CDRT4: variants seen among roughly 807,000 people sequenced by gnomAD.
CDRT4 encodes CMT1A duplicated region transcript 4.
For synonymous variants in CDRT4, 64 were observed against 69.6 expected, an observed-to-expected ratio of 0.92 and a Z score of 0.40; for missense variants, 167 against 193.1, an observed-to-expected ratio of 0.87 and a Z score of 0.80.
intron 1 of CDRT4, among the ~76,000 whole-genome samples, chr17:15,455,613 ACT>A (rs1434079049): frequency 6.6e-6 from 1 of 151,828 alleles, no homozygotes; most frequent in Non-Finnish European, 1.5e-5. Flanking sequence ...ACTCTCTTAC[ACT>A]CTCTTTCTCG....
chr17:15,465,381 TAAC>T (rs1597473281), intron 1 of CDRT4, among the ~76,000 whole-genome samples: 2 of 99,250 alleles, frequency 2.0e-5, no homozygotes, highest in East Asian at 5.7e-4. Context: ...CAGACACACA[TAAC>T]ACACACACCA....
At position 15,444,223 on chromosome 17, in the gene CDRT4, A is replaced by G. The variant is rs568625284; in HGVS notation, c.-47-3938T>C. 35 of 770,152 alleles carry G rather than the reference A, an allele frequency of 4.5e-5. No homozygotes were observed. In the African/African-American group the frequency reaches 5.8e-4, roughly 13 times the overall value. The allele number at this position is 770,152 out of a possible 1,614,324, so 47.7% of individuals were successfully genotyped here. On this transcript the variant is annotated intron_variant, in intron 2 of 3. Transcript: ENST00000619038. ...AGAGATGTCCAGCTACAGAAACAAG[A>G]TGCCGGATGATTCCTAAGACCTACT...
intron 2 of CDRT4, among the ~76,000 whole-genome samples, chr17:15,448,255 C>T (rs2150790243): frequency 6.6e-6 from 1 of 152,322 alleles, no homozygotes; most frequent in African/African-American, 2.4e-5. Flanking sequence ...AAGCCCCAGT[C>T]TCCACTTCTA....
chr17:15,465,110 C>CACACAGACACACCAACACACAGATACAA (rs1191591510), intron 1 of CDRT4, among the ~76,000 whole-genome samples: 3 of 136,822 alleles, frequency 2.2e-5, no homozygotes, highest in Non-Finnish European at 4.5e-5. Context: ...CACACACCAA[C>CACACAGACACACCAACACACAGATACAA]ACACAGACAC....
chr17:15,443,181 C>T lies in CDRT4; in HGVS notation c.-47-2896G>A, dbSNP rs72821026. 8.3e-3 allele frequency among the ~76,000 whole-genome samples: 1,257 copies of T among 152,224 alleles called. 9 individuals are homozygous for T. Among genetic ancestry groups the T allele is most frequent in the Non-Finnish European group, 9.8e-3 (669 of 68,010 alleles). ...AACGTGAAACAATCAACCTTGATCA[C>T]CTTCCTTAACTTCTTAGGACCTCAG... On this transcript the variant is annotated intron_variant, in intron 2 of 3. Coordinates refer to ENST00000619038, the MANE Select transcript of CDRT4 (RefSeq NM_001204477.2).
chr17:15,460,875 T>G (rs1255521599), intron 1 of CDRT4, among the ~76,000 whole-genome samples: 1 of 143,940 alleles, frequency 6.9e-6, no homozygotes, highest in Admixed American at 7.0e-5. Context: ...TCTCCCTCCC[T>G]CCCCCGCCTT....
intron 1 of CDRT4, among the ~76,000 whole-genome samples, chr17:15,456,148 G>T (rs920233087): frequency 3.3e-5 from 5 of 152,138 alleles, no homozygotes; most frequent in African/African-American, 7.2e-5. Context: ...TTCTACTAAA[G>T]TAAGGGAACC....
chr17:15,451,495 C>T (rs1297859312), intron 2 of CDRT4, among the ~76,000 whole-genome samples: 2 of 151,888 alleles, frequency 1.3e-5, no homozygotes, highest in African/African-American at 2.4e-5. Flanking sequence ...GAAGCCAATG[C>T]CAGTTCCTTA....
In CDRT4 at chr17:15,450,630, T is replaced by C. The variant is rs1349714355; in HGVS notation, c.-48+2374A>G. ...AAGTGATGGCAATCAGTTTTGTGGC[T>C]CTACATCTCATCAATTTGCCACATC... is the stretch of plus-strand genomic sequence containing the variant. On this transcript the variant is annotated intron_variant, in intron 2 of 3. Coordinates refer to ENST00000619038, the MANE Select transcript of CDRT4 (RefSeq NM_001204477.2). This position sits in a 1 kb window ranked among gnomAD's most constrained non-coding sequence, Gnocchi z 4.2. Among the ~76,000 whole-genome samples the C allele has an allele frequency of 6.6e-6, 1 of 152,014 alleles. No individual in the cohort carries two copies. The highest frequency in any genetic ancestry group is 1.5e-5 in the Non-Finnish European group (1 of 67,994).
chr17:15,444,349 A>G (rs1978918909), intron 2 of CDRT4, among the ~76,000 whole-genome samples: 1 of 152,168 alleles, frequency 6.6e-6, no homozygotes, highest in Non-Finnish European at 1.5e-5. Flanking sequence ...ACTTTGCAGC[A>G]CATTGGAATT....
chr17:15,466,589 A>G (rs1260099011), intron 1 of CDRT4, among the ~76,000 whole-genome samples: 3 of 152,146 alleles, frequency 2.0e-5, no homozygotes, highest in Non-Finnish European at 4.4e-5. Context: ...CAGTGGCACG[A>G]TCATGGCTCA....
At chr17:15,458,858 G>C (rs2150797538) in intron 1 of CDRT4, among the ~76,000 whole-genome samples, 1 of 152,250 alleles carries the variant, frequency 6.6e-6, no homozygotes, top group African/African-American at 2.4e-5. Flanking sequence ...GGAGTTTGTT[G>C]GAAATGCAAT....
chr17:15,442,405 G>A (rs1420344238), intron 2 of CDRT4, among the ~76,000 whole-genome samples: 23 of 146,920 alleles, frequency 1.6e-4, no homozygotes, highest in Admixed American at 2.7e-4. Context: ...GTGAGACTCC[G>A]TCTCCAAGAA....
Position 15,438,024 on chromosome 17 carries a change from G to A in CDRT4, c.208C>T (p.Pro70Ser), listed in dbSNP as rs1250534119. The change falls in exon 4 of 4, where the codon CCT becomes TCT. Residue 70 changes from proline (P) to serine (S), a missense_variant. Coordinates refer to ENST00000619038, the MANE Select transcript of CDRT4 (RefSeq NM_001204477.2). ...CTTTTCGGCTGAATGACGCTGGAAGGTTTATTCTGCCTTGATGCCCAGGGT... is the reference window on the plus strand; with the variant it reads ...CTTTTCGGCTGAATGACGCTGGAAGATTTATTCTGCCTTGATGCCCAGGGT... ...ERPWASRQNK[P>S]SSVIQPKRRK... The A allele has an allele frequency of 5.6e-6, 9 of 1,614,178 alleles. No homozygotes were observed. The highest frequency in any genetic ancestry group is 1.7e-5 in the Admixed American group (1 of 60,018).
At chr17:15,456,873 G>C (rs921584753) in intron 1 of CDRT4, among the ~76,000 whole-genome samples, 14 of 152,076 alleles carry the variant, frequency 9.2e-5, no homozygotes, top group African/African-American at 3.1e-4. Context: ...CTTTAATTTG[G>C]AATCGATCCT....
rs1181983464 is a variant in CDRT4, at chr17:15,450,728, A to G, written c.-48+2276T>C. 2.0e-5 allele frequency among the ~76,000 whole-genome samples: 3 copies of G among 152,204 alleles called. No homozygotes were observed. Reference sequence around the variant, plus strand: ...GCCAATATACTACATCTTTATTTGTATATCTAATAACCTCTCAAACTTTTC... The same window carrying G: ...GCCAATATACTACATCTTTATTTGTGTATCTAATAACCTCTCAAACTTTTC... On this transcript the variant is annotated intron_variant, in intron 2 of 3. Coordinates refer to ENST00000619038, the MANE Select transcript of CDRT4 (RefSeq NM_001204477.2). The surrounding 1 kb of genome is among the most constrained non-coding windows in gnomAD (Gnocchi z 4.2).
chr17:15,454,548 G>C (rs536282078), intron 1 of CDRT4, among the ~76,000 whole-genome samples: 1 of 152,162 alleles, frequency 6.6e-6, no homozygotes, highest in African/African-American at 2.4e-5. Flanking sequence ...CACCAGCCAT[G>C]TCCGCTCTCC....
At chr17:15,446,736 C>G (rs1298480675) in intron 2 of CDRT4, among the ~76,000 whole-genome samples, 1 of 152,072 alleles carries the variant, frequency 6.6e-6, no homozygotes, top group Non-Finnish European at 1.5e-5. Flanking sequence ...GGAGTCTGAT[C>G]AGAATTGCTC....
chr17:15,453,850 G>A (rs1249938089), intron 1 of CDRT4, among the ~76,000 whole-genome samples: 3 of 152,188 alleles, frequency 2.0e-5, no homozygotes, highest in Admixed American at 6.5e-5. Context: ...GTTCTTATCT[G>A]TAAAACAGAG....
Sources: allele counts gnomAD v4.1 joint callset (sites outside exome capture counted in the v4.1 genomes callset), GRCh38; gene constraint gnomAD v4.1.1; non-coding constraint Gnocchi (gnomAD v3.1); transcripts MANE v1.5; gene names NCBI Gene and HGNC (gene_info 2026-07-23, HGNC 2026-07-21).